Variants in HHIPL1 observed in about 807,000 individuals in gnomAD.
HHIPL1 encodes the protein HHIP like 1, also known as HHIP-like protein 1.
A neutral mutation model predicts 61.8 loss-of-function variants in HHIPL1; 43 were observed. That is an observed-to-expected ratio of 0.70 (90% CI 0.55 to 0.90). HHIPL1 has a LOEUF of 0.90. HHIPL1 is among the 40% of genes least tolerant of loss of function. The pLI is 0.00. For synonymous variants in HHIPL1, 482 were observed against 515.8 expected (o/e 0.93, Z 0.89); for missense variants, 1,056 against 1,157.7 (o/e 0.91, Z 1.28).
Position 99,675,733 on chromosome 14 carries a change from G to A in HHIPL1, c.*107G>A, listed in dbSNP as rs1240923708. On this transcript the variant is annotated 3_prime_UTR_variant, in exon 9 of 9. Coordinates refer to ENST00000330710, the MANE Select transcript of HHIPL1 (RefSeq NM_001127258.3). This position sits in a 1 kb window ranked among gnomAD's most constrained non-coding sequence, Gnocchi z 5.4. Reference sequence around the variant, plus strand: ...GCACACGTGTTCTAGAGTGAAGGGGGTGCGGGTGTGTGCTGTCCTGGGGAC... The same window carrying A: ...GCACACGTGTTCTAGAGTGAAGGGGATGCGGGTGTGTGCTGTCCTGGGGAC... The A allele has an allele frequency of 8.2e-5, 92 of 1,122,004 alleles. No homozygotes were observed. Among genetic ancestry groups the A allele is most frequent in the Non-Finnish European group, 1.0e-4 (83 of 817,288 alleles). 69.5% of individuals were successfully genotyped at this position (1,122,004 alleles called of 1,614,324 possible).
chr14:99,657,154 C>A lies in HHIPL1; in HGVS notation c.1046+11C>A. ...AAATGCCCAAAACAAGTATGTTCAGCTTTTGATTGGCTTGTGGGTTGGTCT... is the reference window on the plus strand; with the variant it reads ...AAATGCCCAAAACAAGTATGTTCAGATTTTGATTGGCTTGTGGGTTGGTCT... On this transcript the variant is annotated intron_variant, in intron 3 of 8. Transcript: ENST00000330710. 2 of 1,611,226 alleles carry A rather than the reference C, an allele frequency of 1.2e-6. No homozygotes were observed. The highest frequency in any genetic ancestry group is 1.7e-6 in the Non-Finnish European group (2 of 1,178,968).
intron 1 of HHIPL1, among the ~76,000 whole-genome samples, chr14:99,649,074 A>G (rs916372266): frequency 6.6e-6 from 1 of 152,136 alleles, no homozygotes; most frequent in African/African-American, 2.4e-5. Context: ...AGCAGCAATC[A>G]CTATGTCTTC....
rs568565158 is a variant in HHIPL1 at position 99,668,363 on chromosome 14, G to A, written c.1730+60G>A. 1.7e-5 allele frequency: 17 copies of A among 1,020,060 alleles called. No homozygotes were observed. Among genetic ancestry groups the A allele is most frequent in the South Asian group, 1.3e-4 (10 of 79,168 alleles). The allele number at this position is 1,020,060 out of a possible 1,614,324, so 63.2% of individuals were successfully genotyped here. On this transcript the variant is annotated intron_variant, in intron 7 of 8. Transcript: ENST00000330710. The surrounding 1 kb of genome is among the most constrained non-coding windows in gnomAD (Gnocchi z 4.7). ...TGTCTGTCAGGCCTCTTAGCTCCAC[G>A]GGCTTGTCCCCTCCGCCTCGCCCTC...
At chr14:99,650,576 C>T (rs959862489) in intron 1 of HHIPL1, among the ~76,000 whole-genome samples, 6 of 152,212 alleles carry the variant, frequency 3.9e-5, no homozygotes, top group African/African-American at 9.6e-5. Flanking sequence ...GCCAGTAGAG[C>T]TGAGCAGACG....
upstream of HHIPL1, among the ~76,000 whole-genome samples, chr14:99,642,727 T>C (rs1316798752): frequency 1.3e-5 from 2 of 152,090 alleles, no homozygotes; most frequent in Non-Finnish European, 2.9e-5. Context: ...GGTTTCACCG[T>C]ATTAGCCAGT....
chr14:99,660,637 T>C lies in HHIPL1; in HGVS notation c.1502+231T>C, dbSNP rs1305249747. Reference sequence around the variant, plus strand: ...ACCTCTATGATAGACACACAACTCATGGCATTAAAGACTGGAGGCTTGCTT... The same window carrying C: ...ACCTCTATGATAGACACACAACTCACGGCATTAAAGACTGGAGGCTTGCTT... On this transcript the variant is annotated intron_variant, in intron 5 of 8. Coordinates refer to ENST00000330710, the MANE Select transcript of HHIPL1 (RefSeq NM_001127258.3). This position sits in a 1 kb window ranked among gnomAD's most constrained non-coding sequence, Gnocchi z 4.9. Among the ~76,000 whole-genome samples, 1 of 152,204 alleles carries C rather than the reference T, an allele frequency of 6.6e-6. No homozygotes were observed. The highest frequency in any genetic ancestry group is 1.5e-5 in the Non-Finnish European group (1 of 68,018).
chr14:99,659,423 C>T lies in HHIPL1; in HGVS notation c.1047-5C>T. 1 of 1,429,388 alleles carries T rather than the reference C, an allele frequency of 7.0e-7. No homozygotes were observed. The highest frequency in any genetic ancestry group is 1.4e-5 in the South Asian group (1 of 69,266). 88.5% of individuals were successfully genotyped at this position (1,429,388 alleles called of 1,614,324 possible). On this transcript the variant is annotated splice_region_variant and splice_polypyrimidine_tract_variant and intron_variant, in intron 3 of 8. Coordinates refer to ENST00000330710, the MANE Select transcript of HHIPL1 (RefSeq NM_001127258.3). ...GAGCCGCGCCCTCTCCCACCCCGCC[C>T]GCAGGTCGGCGCTGCTGGGCAAGGT...
Position 99,675,318 on chromosome 14 carries a change from C to A in HHIPL1, c.2041C>A (p.Leu681Met). 1.4e-6 allele frequency: 2 copies of A among 1,404,718 alleles called. No homozygotes were observed. Among genetic ancestry groups the A allele is most frequent in the South Asian group, 3.1e-5 (2 of 64,752 alleles). The allele number at this position is 1,404,718 out of a possible 1,614,324, so 87.0% of individuals were successfully genotyped here. Residue 681 changes from leucine to methionine, a missense_variant, in exon 9 of 9, where the codon CTG (leucine) becomes ATG (methionine). Transcript: ENST00000330710. This position sits in a 1 kb window ranked among gnomAD's most constrained non-coding sequence, Gnocchi z 5.4. Reference sequence around the variant, plus strand: ...GGTGCGCCTGGTGCGGCCCGCGGGCCTGAGCTCTGGCAGCGGGCGCGTGGA... The same window carrying A: ...GGTGCGCCTGGTGCGGCCCGCGGGCATGAGCTCTGGCAGCGGGCGCGTGGA... ...GEVRLVRPAG[L>M]SSGSGRVEVF...
chr14:99,671,886 G>C (rs370410276), intron 7 of HHIPL1, among the ~76,000 whole-genome samples: 46 of 152,324 alleles, frequency 3.0e-4, no homozygotes, highest in African/African-American at 1.1e-3. Flanking sequence ...AACCAGAGGG[G>C]CAGAGAGAGA....
At chr14:99,635,520 T>C in the HHIPL1 span, among the ~76,000 whole-genome samples, 1 of 152,094 alleles carries the variant, frequency 6.6e-6, no homozygotes, top group Non-Finnish European at 1.5e-5. Context: ...GGGCCTCAGT[T>C]TCCCTGCTTG....
Position 99,652,751 on chromosome 14 carries a change from G to C in HHIPL1, c.783G>C (p.Gln261His). ...FLGIAFHPSF[Q>H]HNRRLYVYYS... ...GCATTGCCTTCCACCCCAGCTTCCA[G>C]CACAACCGCAGGCTCTACGTCTACT... The change falls in exon 2 of 9, where the codon CAG (glutamine) becomes CAC (histidine). Residue 261 changes from glutamine to histidine, a missense_variant. Transcript: ENST00000330710. 6.2e-7 allele frequency: 1 copy of C among 1,614,034 alleles called. No individual in the cohort carries two copies. Among genetic ancestry groups the C allele is most frequent in the Non-Finnish European group, 8.5e-7 (1 of 1,180,036 alleles).
chr14:99,664,839 C>G (rs1455039123), intron 6 of HHIPL1, among the ~76,000 whole-genome samples: 1 of 152,144 alleles, frequency 6.6e-6, no homozygotes, highest in African/African-American at 2.4e-5. Context: ...CAAATGCATC[C>G]TGTCACAATG....
At position 99,660,097 on chromosome 14, in the gene HHIPL1, C is replaced by A. The variant is rs1229784146; in HGVS notation, c.1376-183C>A. On this transcript the variant is annotated intron_variant, in intron 4 of 8. Transcript: ENST00000330710. This position sits in a 1 kb window ranked among gnomAD's most constrained non-coding sequence, Gnocchi z 4.9. ...TGAGTTCTTCCTCGCTCCATCCCCACCTGGCACCCCTGCAGACACGCTTTC... is the reference window on the plus strand; with the variant it reads ...TGAGTTCTTCCTCGCTCCATCCCCAACTGGCACCCCTGCAGACACGCTTTC... Among the ~76,000 whole-genome samples, 2 of 150,774 alleles carry A rather than the reference C, an allele frequency of 1.3e-5. No homozygotes were observed. Among genetic ancestry groups the A allele is most frequent in the Non-Finnish European group, 2.9e-5 (2 of 67,908 alleles).
chr14:99,619,790 C>T, the HHIPL1 span, among the ~76,000 whole-genome samples: 2 of 151,820 alleles, frequency 1.3e-5, no homozygotes, highest in Non-Finnish European at 2.9e-5. Flanking sequence ...TGGCTGTTCC[C>T]GCTGCTGAGC....
At chr14:99,629,030 C>T in the HHIPL1 span, among the ~76,000 whole-genome samples, 10 of 152,304 alleles carry the variant, frequency 6.6e-5, no homozygotes, top group East Asian at 1.7e-3. Context: ...GGCCCCCTAG[C>T]GGCCCGAGGA....
rs747722955 is a variant in HHIPL1, at chr14:99,663,000, T to A, written c.1627T>A (p.Ser543Thr). 3 of 1,611,082 alleles carry A rather than the reference T, an allele frequency of 1.9e-6. No homozygotes were observed. Among genetic ancestry groups the A allele is most frequent in the Non-Finnish European group, 2.5e-6 (3 of 1,178,870 alleles). ...CAACAACTACTACCCGTACATCATC[T>A]CCTTCGGGGAGGACGAGGCCGGTGA... ...LINNYYPYII[S>T]FGEDEAGELY... Residue 543 changes from serine (S) to threonine (T), a missense_variant, in exon 6 of 9, where the codon TCC (serine) becomes ACC (threonine). Physicochemically the swap from Ser to Thr is moderately conservative, Grantham distance 58 (BLOSUM62 1). Coordinates refer to ENST00000330710, the MANE Select transcript of HHIPL1 (RefSeq NM_001127258.3).
Position 99,679,358 on chromosome 14 carries a change from C to A in HHIPL1, c.*3732C>A, listed in dbSNP as rs896592114. ...AGGGCCTCTGAGGATGGGGGCACAG[C>A]CTTCACCCTCACCCCCTCTAATCCA... On this transcript the variant is annotated 3_prime_UTR_variant, in exon 9 of 9. Transcript: ENST00000330710. 4 of 152,448 alleles carry A rather than the reference C, an allele frequency of 2.6e-5. No homozygotes were observed. The highest frequency in any genetic ancestry group is 9.6e-5 in the African/African-American group (4 of 41,458). 9.4% of individuals were successfully genotyped at this position (152,448 alleles called of 1,614,324 possible).
At chr14:99,664,925 T>C (rs578001511) in intron 6 of HHIPL1, among the ~76,000 whole-genome samples, 1 of 151,624 alleles carries the variant, frequency 6.6e-6, no homozygotes, top group Non-Finnish European at 1.5e-5. Context: ...CTTTTTTTTT[T>C]TTTTCCAAGA....
intron 6 of HHIPL1, among the ~76,000 whole-genome samples, chr14:99,667,936 C>T (rs1331153291): frequency 2.0e-5 from 3 of 152,086 alleles, no homozygotes; most frequent in East Asian, 1.9e-4. Flanking sequence ...GCTGGGTCAC[C>T]GGGAAAAGGC....
Sources: gnomAD v4.1 joint callset for allele counts (sites outside exome capture counted in the v4.1 genomes callset) on GRCh38, gnomAD v4.1.1 for gene constraint, Gnocchi (gnomAD v3.1) non-coding constraint, MANE v1.5 for transcripts, NCBI Gene and HGNC (gene_info 2026-07-23, HGNC 2026-07-21) for gene names.